The following GAREM1 variants were observed in gnomAD, a reference collection of about 807,000 sequenced individuals.
GAREM1 encodes the protein GRB2-associated and regulator of MAPK protein 1.
A neutral mutation model predicts 71.3 loss-of-function variants in GAREM1; 26 were observed. That is an observed-to-expected ratio of 0.36 (90% CI 0.27 to 0.51). GAREM1 has a LOEUF of 0.51. Among genes scored for constraint, GAREM1 ranks in the 20% least tolerant of loss-of-function variants. The pLI, the probability that GAREM1 is intolerant of heterozygous loss-of-function variation, is 0.95. For missense variants in GAREM1, 1,026 were observed against 1,103.1 expected, an observed-to-expected ratio of 0.93 and a Z score of 0.99; for synonymous variants, 440 against 433.2, an observed-to-expected ratio of 1.02 and a Z score of -0.20.
chr18:32,304,238 T>C (rs976356770), intron 3 of GAREM1, among the ~76,000 whole-genome samples: 20 of 151,378 alleles, frequency 1.3e-4, no homozygotes, highest in African/African-American at 4.6e-4. Context: ...ACCTGGGAGA[T>C]GGGGGTTGCA....
At chr18:32,297,486 T>C (rs1383214743) in intron 3 of GAREM1, among the ~76,000 whole-genome samples, 1 of 152,246 alleles carries the variant, frequency 6.6e-6, no homozygotes, top group Non-Finnish European at 1.5e-5. Context: ...TTTACTTTTT[T>C]TAAGTGTTTC....
chr18:32,446,876 G>A (rs926643080), intron 1 of GAREM1, among the ~76,000 whole-genome samples: 1 of 152,194 alleles, frequency 6.6e-6, no homozygotes, highest in Non-Finnish European at 1.5e-5. Flanking sequence ...TGTGAGTGCA[G>A]AGTGGAAACA....
intron 3 of GAREM1, among the ~76,000 whole-genome samples, chr18:32,309,476 C>T (rs556325575): frequency 6.0e-5 from 8 of 133,552 alleles, no homozygotes; most frequent in Admixed American, 2.2e-4. Flanking sequence ...AATAGCTGGG[C>T]GTGGCGGTGT....
At chr18:32,439,632 G>A (rs1422799373) in intron 1 of GAREM1, among the ~76,000 whole-genome samples, 4 of 150,120 alleles carry the variant, frequency 2.7e-5, no homozygotes, top group African/African-American at 9.9e-5. Context: ...AAGTAACAGA[G>A]TGACCAAATG....
intron 1 of GAREM1, among the ~76,000 whole-genome samples, chr18:32,393,753 C>T (rs184251126): frequency 1.2e-4 from 18 of 152,192 alleles, no homozygotes; most frequent in African/African-American, 3.1e-4. Flanking sequence ...AGTATCTTTT[C>T]GGCATTTGAA....
At chr18:32,415,866 T>C (rs1300269475) in intron 1 of GAREM1, among the ~76,000 whole-genome samples, 2 of 152,052 alleles carry the variant, frequency 1.3e-5, no homozygotes, top group Admixed American at 6.6e-5. Flanking sequence ...CTGGAAGTCC[T>C]AACTAGAACA....
chr18:32,379,918 G>T (rs2048078493), intron 2 of GAREM1, among the ~76,000 whole-genome samples: 2 of 152,006 alleles, frequency 1.3e-5, no homozygotes, highest in Non-Finnish European at 2.9e-5. Flanking sequence ...TTGTAATGTT[G>T]TTTTAATTCC....
At chr18:32,432,599 A>G (rs547097490) in intron 1 of GAREM1, among the ~76,000 whole-genome samples, 12 of 152,282 alleles carry the variant, frequency 7.9e-5, no homozygotes, top group African/African-American at 2.6e-4. Flanking sequence ...TCAATATTAG[A>G]AAAGAGGGAA....
chr18:32,279,666 T>C (rs2144441212), intron 4 of GAREM1, among the ~76,000 whole-genome samples: 1 of 152,258 alleles, frequency 6.6e-6, no homozygotes, highest in South Asian at 2.1e-4. Flanking sequence ...AAATAAAGTG[T>C]ACAATAAATG....
chr18:32,314,090 G>A (rs1217722815), intron 2 of GAREM1, among the ~76,000 whole-genome samples: 2 of 141,940 alleles, frequency 1.4e-5, no homozygotes, highest in South Asian at 2.3e-4. Context: ...GACAAAAAAA[G>A]TTTTTTTTTT....
At chr18:32,373,969 C>T (rs2048010495) in intron 2 of GAREM1, among the ~76,000 whole-genome samples, 1 of 152,162 alleles carries the variant, frequency 6.6e-6, no homozygotes, top group Admixed American at 6.5e-5. Flanking sequence ...TTTCACTTTG[C>T]CAATACACTC....
chr18:32,340,545 C>T (rs927565230), intron 2 of GAREM1, among the ~76,000 whole-genome samples: 1 of 152,164 alleles, frequency 6.6e-6, no homozygotes, highest in Non-Finnish European at 1.5e-5. Context: ...CAGAGACTTG[C>T]AGGCAACAAT....
At chr18:32,313,452 T>C (rs2047344348) in intron 2 of GAREM1, among the ~76,000 whole-genome samples, 1 of 152,164 alleles carries the variant, frequency 6.6e-6, no homozygotes, top group Admixed American at 6.5e-5. Flanking sequence ...GGAGGGACCA[T>C]GTCTGCTAAA....
intron 1 of GAREM1, among the ~76,000 whole-genome samples, chr18:32,402,735 T>C (rs1318960743): frequency 6.6e-6 from 1 of 152,146 alleles, no homozygotes; most frequent in Non-Finnish European, 1.5e-5. Flanking sequence ...AGTCCTATTC[T>C]GGACTTTATT....
chr18:32,354,007 G>A (rs111337946), intron 2 of GAREM1, among the ~76,000 whole-genome samples: 1 of 152,166 alleles, frequency 6.6e-6, no homozygotes, highest in Non-Finnish European at 1.5e-5. Flanking sequence ...GTTAAGAAAT[G>A]AATTGATGAG....
chr18:32,360,344 T>C (rs1007161558), intron 2 of GAREM1, among the ~76,000 whole-genome samples: 1 of 152,184 alleles, frequency 6.6e-6, no homozygotes, highest in Admixed American at 6.5e-5. Context: ...TTGTGGTTTG[T>C]TCCTAACTGT....
At chr18:32,309,824 A>G (rs1056702928) in intron 3 of GAREM1, among the ~76,000 whole-genome samples, 1 of 152,058 alleles carries the variant, frequency 6.6e-6, no homozygotes, top group Non-Finnish European at 1.5e-5. Flanking sequence ...TTCTTTTTAA[A>G]TAAGTGTTTG....
chr18:32,400,298 G>T (rs1323423268), intron 1 of GAREM1, among the ~76,000 whole-genome samples: 1 of 152,168 alleles, frequency 6.6e-6, no homozygotes, highest in Admixed American at 6.5e-5. Context: ...AAAAGCAATG[G>T]CAACTAAAGC....
At chr18:32,363,953 TATAA>T (rs1401416390) in intron 2 of GAREM1, among the ~76,000 whole-genome samples, 2 of 132,178 alleles carry the variant, frequency 1.5e-5, no homozygotes, top group Non-Finnish European at 3.2e-5. Context: ...AATGTATAAT[TATAA>T]ATACATATAC....
Sources: allele counts gnomAD v4.1 joint callset (sites outside exome capture counted in the v4.1 genomes callset), GRCh38; gene constraint gnomAD v4.1.1; transcripts MANE v1.5; gene names NCBI Gene and HGNC (gene_info 2026-07-23, HGNC 2026-07-21).